TNIK: variants seen among roughly 807,000 people sequenced by gnomAD.
The protein encoded by TNIK is TRAF2 and NCK-interacting protein kinase.
Under a neutral mutation model 191.3 loss-of-function variants are expected in TNIK, and 49 were observed. The observed-to-expected ratio is 0.26, with a 90% CI of 0.20 to 0.32. The LOEUF is 0.32. Ranked by LOEUF, TNIK falls within the 10% of genes least tolerant of loss-of-function variation. The probability of loss-of-function intolerance (pLI) is 1.00; values close to 1 mark genes in which losing one functional copy is unlikely to be tolerated. For synonymous variants in TNIK, 594 were observed against 600.9 expected (o/e 0.99, Z 0.17); for missense variants, 1,155 against 1,702.3 (o/e 0.68, Z 5.66).
intron 3 of TNIK, chr3:171,225,488 C>T (rs1363798296): frequency 8.9e-6 from 4 of 450,882 alleles, no homozygotes; most frequent in African/African-American, 6.0e-5. Context: ...AAAGCATCCA[C>T]TCTATGTAAT....
intron 16 of TNIK, among the ~76,000 whole-genome samples, chr3:171,128,228 G>A (rs757169039): frequency 6.6e-6 from 1 of 152,180 alleles, no homozygotes; most frequent in Admixed American, 6.5e-5. Context: ...CCTGGGTGAT[G>A]GTTGATGCTG....
chr3:171,380,031 A>ATG (rs1717821527), intron 1 of TNIK, among the ~76,000 whole-genome samples: 5 of 34,300 alleles, frequency 1.5e-4, no homozygotes, highest in East Asian at 1.7e-3. Flanking sequence ...ACACACGCGC[A>ATG]CACACACACA....
chr3:171,447,540 T>C (rs1223881259), intron 1 of TNIK, among the ~76,000 whole-genome samples: 2 of 152,276 alleles, frequency 1.3e-5, no homozygotes, highest in Non-Finnish European at 2.9e-5. Context: ...GAGTCACTAT[T>C]GGCAGTGGCT....
chr3:171,175,408 A>G, intron 8 of TNIK, 78 bp from the exon 9 acceptor site: 1 of 1,242,618 alleles, frequency 8.0e-7, no homozygotes, highest in Admixed American at 2.6e-5. Flanking sequence ...TGTGCAGATA[A>G]TGGCTGCCCA....
intron 3 of TNIK, 96 bp downstream of exon 3, chr3:171,228,069 T>C (rs2108987814): frequency 7.3e-7 from 1 of 1,374,948 alleles, no homozygotes; most frequent in East Asian, 2.3e-5. Context: ...AACTTAACAA[T>C]ATTTTCTACT....
intron 21 of TNIK, among the ~76,000 whole-genome samples, chr3:171,104,661 A>G (rs2108472545): frequency 6.6e-6 from 1 of 152,052 alleles, no homozygotes; most frequent in Non-Finnish European, 1.5e-5. Flanking sequence ...TAGTTTATTC[A>G]AATAAATATT....
Position 171,068,963 on chromosome 3 carries a change from A to G in TNIK, c.3584T>C (p.Val1195Ala), listed in dbSNP as rs764245027. The stretch of plus-strand genomic sequence containing the variant: ...TTGACCTTCTTCTACCGTGAGATCA[A>G]CTAGCAGAGGCTTGTGCTGGAGATC... ...FADLQHKPLL[V>A]DLTVEEGQRL... The change falls in exon 30 of 33, where the codon GTT becomes GCT. Residue 1195 changes from valine to alanine, a missense_variant. Transcript: ENST00000436636. 5.6e-6 allele frequency: 9 copies of G among 1,613,532 alleles called. No individual in the cohort carries two copies. The African/African-American group carries it at 9.3e-5, about 17-fold the overall frequency.
chr3:171,355,718 G>A (rs190404918), intron 2 of TNIK, among the ~76,000 whole-genome samples: 1 of 152,186 alleles, frequency 6.6e-6, no homozygotes, highest in Admixed American at 6.5e-5. Flanking sequence ...GGAAAAAAGT[G>A]AATAATGTGA....
At chr3:171,357,904 G>A (rs1240649730) in intron 2 of TNIK, among the ~76,000 whole-genome samples, 1 of 152,164 alleles carries the variant, frequency 6.6e-6, no homozygotes, top group Non-Finnish European at 1.5e-5. Flanking sequence ...GGCTGGAGGG[G>A]GAGGCAGAGG....
chr3:171,429,294 C>T (rs571130934), intron 1 of TNIK, among the ~76,000 whole-genome samples: 2 of 152,272 alleles, frequency 1.3e-5, no homozygotes, highest in African/African-American at 4.8e-5. Context: ...TCTCCCTCTG[C>T]CCTCTACAAT....
At chr3:171,231,492 A>T (rs1743640154) in intron 2 of TNIK, among the ~76,000 whole-genome samples, 1 of 152,162 alleles carries the variant, frequency 6.6e-6, no homozygotes, top group Non-Finnish European at 1.5e-5. Context: ...CTTACATGAG[A>T]TCCTGGAGGT....
At chr3:171,211,074 G>A in intron 4 of TNIK, 42 bp downstream of exon 4, 1 of 1,599,218 alleles carries the variant, frequency 6.3e-7, no homozygotes. Context: ...GGCCGTGTTT[G>A]TTTTTTATGT....
intron 1 of TNIK, among the ~76,000 whole-genome samples, chr3:171,411,340 A>C (rs1371405729): frequency 6.6e-6 from 1 of 152,174 alleles, no homozygotes; most frequent in Non-Finnish European, 1.5e-5. Flanking sequence ...GGTGCTGGTC[A>C]ACTGTGCTAG....
intron 7 of TNIK, among the ~76,000 whole-genome samples, 168 bp downstream of exon 7, chr3:171,188,534 T>C (rs1339255153): frequency 4.6e-5 from 7 of 152,210 alleles, no homozygotes; most frequent in Non-Finnish European, 2.9e-5. Context: ...ATGGGTGAAT[T>C]CATTAAAAAG....
At chr3:171,097,792 T>A (rs775713568) in intron 22 of TNIK, among the ~76,000 whole-genome samples, 1 of 152,154 alleles carries the variant, frequency 6.6e-6, no homozygotes, top group African/African-American at 2.4e-5. Flanking sequence ...AATACAGTAG[T>A]TGATGGCAGA....
chr3:171,350,595 TAAAAAAAAAAAAAA>T (rs71178208), intron 2 of TNIK, among the ~76,000 whole-genome samples: 1 of 98,022 alleles, frequency 1.0e-5, no homozygotes, highest in Non-Finnish European at 1.9e-5. Context: ...GCTCTGTTGC[TAAAAAAAAAAAAAA>T]AAAAAAAAAT....
Position 171,445,024 on chromosome 3 carries a change from A to G in TNIK, c.57+14983T>C, listed in dbSNP as rs534490118. On this transcript the variant is annotated intron_variant, in intron 1 of 32. Transcript: ENST00000436636. ...GCCACCATGCCCAGCCAAGGAAACT[A>G]TCTTTTAAACATTTAGGCCAGTGGT... Among the ~76,000 whole-genome samples, 5 of 152,092 alleles carry G rather than the reference A, an allele frequency of 3.3e-5. No individual in the cohort carries two copies. In the East Asian group the frequency reaches 9.7e-4, roughly 29 times the overall value.
chr3:171,211,481 T>C (rs1740814438), intron 3 of TNIK, among the ~76,000 whole-genome samples: 1 of 152,006 alleles, frequency 6.6e-6, no homozygotes, highest in African/African-American at 2.4e-5. Context: ...AACAAAAACA[T>C]CCAAAACAAT....
chr3:171,065,919 G>A (rs1718383263), intron 32 of TNIK, among the ~76,000 whole-genome samples: 1 of 152,188 alleles, frequency 6.6e-6, no homozygotes. Flanking sequence ...AGAATTTGGG[G>A]TGTCTGCTGA....
Sources: gnomAD v4.1 joint callset for allele counts (sites outside exome capture counted in the v4.1 genomes callset) on GRCh38, gnomAD v4.1.1 for gene constraint, MANE v1.5 for transcripts, NCBI Gene and HGNC (gene_info 2026-07-23, HGNC 2026-07-21) for gene names.